Variants in CEP41 observed in about 807,000 individuals in gnomAD.
CEP41 encodes centrosomal protein of 41 kDa.
Under a neutral mutation model 44.3 loss-of-function variants are expected in CEP41, and 32 were observed. That is an observed-to-expected ratio of 0.72 (90% confidence interval 0.54 to 0.97). The LOEUF is 0.97. Ranked by LOEUF, CEP41 falls within the 50% of genes least tolerant of loss-of-function variation. The probability of loss-of-function intolerance (pLI) is 0.00; values close to 1 mark genes in which losing one functional copy is unlikely to be tolerated. For synonymous variants in CEP41, 151 were observed against 168.5 expected, an observed-to-expected ratio of 0.90 and a Z score of 0.80; for missense variants, 432 against 455.2, an observed-to-expected ratio of 0.95 and a Z score of 0.46.
chr7:130,397,206 T>C lies in CEP41; in HGVS notation c.*1685A>G. 2 of 454,484 alleles carry C rather than the reference T, an allele frequency of 4.4e-6. No homozygotes were observed. Among genetic ancestry groups the C allele is most frequent in the Non-Finnish European group, 8.8e-6 (2 of 226,780 alleles). The allele number at this position is 454,484 out of a possible 1,614,324, so 28.2% of individuals were successfully genotyped here. On this transcript the variant is annotated 3_prime_UTR_variant, in exon 11 of 11. Coordinates refer to ENST00000223208, the MANE Select transcript of CEP41 (RefSeq NM_018718.3). ...ACTAAGTTCTCAGGCAATAAATTTA[T>C]GGGGAAACATGACAGGCTCCTCATT...
rs1216307273 is a variant in CEP41, at chr7:130,396,886, T to TCCA, written c.*2002_*2004dup. ...ACATATATACAGTGGTTTCTAATAC[T>TCCA]CCAAAGTTGTCTGACGATGGGAACG... On this transcript the variant is annotated 3_prime_UTR_variant, in exon 11 of 11. Coordinates refer to ENST00000223208, the MANE Select transcript of CEP41 (RefSeq NM_018718.3). 9 of 447,064 alleles carry TCCA rather than the reference T, an allele frequency of 2.0e-5. No homozygotes were observed. Among genetic ancestry groups the TCCA allele is most frequent in the Non-Finnish European group, 3.6e-5 (8 of 223,532 alleles). 27.7% of individuals were successfully genotyped at this position (447,064 alleles called of 1,614,324 possible). A position where few individuals can be genotyped will look rare whatever the true frequency, so the allele number is the denominator to read the frequency against.
Position 130,400,234 on chromosome 7 carries a change from T to G in CEP41, c.778A>C (p.Lys260Gln). 1 of 1,613,780 alleles carries G rather than the reference T, an allele frequency of 6.2e-7. No individual in the cohort carries two copies. The highest frequency in any genetic ancestry group is 8.5e-7 in the Non-Finnish European group (1 of 1,179,742). Residue 260 changes from lysine to glutamine, a missense_variant, in exon 10 of 11, where the codon AAA (lysine) becomes CAA (glutamine). Physicochemically the swap from Lys to Gln is moderately conservative, Grantham distance 53 (BLOSUM62 1). Transcript: ENST00000223208. ...CCAGTAATCAGTCCTTCCGGGAATT[T>G]CTGAGCTAAGACTTTTAGACCTAGG... ...LSGGLKVLAQ[K>Q]FPEGLITGSL...
intron 1 of CEP41, 173 bp downstream of exon 1, chr7:130,440,761 G>A: frequency 2.8e-6 from 2 of 722,126 alleles, no homozygotes; most frequent in South Asian, 3.2e-5. Flanking sequence ...CCTGAACGCT[G>A]CCCCGCGGCC....
rs1796822047 is a variant in CEP41, at chr7:130,400,824, A to AAGAGTC, written c.643-9_643-4dup. 1 of 1,596,428 alleles carries AAGAGTC rather than the reference A, an allele frequency of 6.3e-7. No individual in the cohort carries two copies. The highest frequency in any genetic ancestry group is 1.1e-5 in the South Asian group (1 of 89,254). On this transcript the variant is annotated splice_polypyrimidine_tract_variant and splice_region_variant and intron_variant, in intron 8 of 10. Transcript: ENST00000223208. ...ATGATCTTGCCATGGGCATTTTTCT[A>AAGAGTC]AGAGTCAGATGAGTTAAGGTTCCAA...
In CEP41 at chr7:130,397,506, A is replaced by C. The variant is rs781845516; in HGVS notation, c.*1385T>G. The stretch of plus-strand genomic sequence containing the variant: ...CCCCATGCTAGAAATACTGTGGTGC[A>C]TTTTTTTTTTTTTTTTTTTTTTTTT... On this transcript the variant is annotated 3_prime_UTR_variant, in exon 11 of 11. Transcript: ENST00000223208. 2.6e-4 allele frequency: 80 copies of C among 303,732 alleles called. 1 individual carries two copies. Among genetic ancestry groups the C allele is most frequent in the South Asian group, 5.1e-4 (25 of 48,780 alleles). 18.8% of individuals were successfully genotyped at this position (303,732 alleles called of 1,614,324 possible).
chr7:130,426,587 A>T (rs966356899), intron 2 of CEP41: 7 of 453,000 alleles, frequency 1.5e-5, no homozygotes, highest in African/African-American at 1.4e-4. Context: ...TAATATCTAG[A>T]CTCCTCAGAA....
At chr7:130,440,757 C>T in intron 1 of CEP41, 177 bp downstream of exon 1, 1 of 713,374 alleles carries the variant, frequency 1.4e-6, no homozygotes, top group Admixed American at 2.2e-5. Context: ...GGGTCCTGAA[C>T]GCTGCCCCGC....
chr7:130,412,001 C>A, intron 4 of CEP41, 178 bp downstream of exon 4: 1 of 609,074 alleles, frequency 1.6e-6, no homozygotes, highest in Non-Finnish European at 3.0e-6. Flanking sequence ...AGAAACATTT[C>A]TCACCATCTT....
In CEP41 at chr7:130,397,066, G is replaced by C. The variant is rs1435135122; in HGVS notation, c.*1825C>G. 3 of 454,436 alleles carry C rather than the reference G, an allele frequency of 6.6e-6. No homozygotes were observed. The highest frequency in any genetic ancestry group is 6.9e-4 in the Middle Eastern group (1 of 1,442). The allele number at this position is 454,436 out of a possible 1,614,324, so 28.2% of individuals were successfully genotyped here. Reference sequence around the variant, plus strand: ...TTAAAAATGTATATGTGGCAAAAATGGCTGAAAATCTTGTCCATGCTAGGG... The same window carrying C: ...TTAAAAATGTATATGTGGCAAAAATCGCTGAAAATCTTGTCCATGCTAGGG... On this transcript the variant is annotated 3_prime_UTR_variant, in exon 11 of 11. Coordinates refer to ENST00000223208, the MANE Select transcript of CEP41 (RefSeq NM_018718.3).
intron 1 of CEP41, among the ~76,000 whole-genome samples, chr7:130,434,887 C>T (rs2117705861): frequency 6.6e-6 from 1 of 152,112 alleles, no homozygotes; most frequent in Middle Eastern, 3.4e-3. Flanking sequence ...TACAGATAAT[C>T]AAATCATATC....
Position 130,396,673 on chromosome 7 carries a change from A to G in CEP41, c.*2218T>C. ...AAGCAATACCTCGAGCACGTAAAGA[A>G]TGTTTGATATTAACACTTAACATGC... is the stretch of plus-strand genomic sequence containing the variant. On this transcript the variant is annotated 3_prime_UTR_variant, in exon 11 of 11. Transcript: ENST00000223208. 1 of 454,602 alleles carries G rather than the reference A, an allele frequency of 2.2e-6. No individual in the cohort carries two copies. The highest frequency in any genetic ancestry group is 4.4e-6 in the Non-Finnish European group (1 of 226,802). 28.2% of individuals were successfully genotyped at this position (454,602 alleles called of 1,614,324 possible).
rs1796888916 is a variant in CEP41, at chr7:130,402,692, T to A, written c.530A>T (p.Asp177Val). The change falls in exon 7 of 11, where the codon GAT becomes GTT. Residue 177 changes from aspartate (D) to valine (V), a missense_variant. Transcript: ENST00000223208. ...PYPDCPFLLLDVRDRDSYQQC... is the reference protein window; with the variant it reads ...PYPDCPFLLLVVRDRDSYQQC... Reference sequence around the variant, plus strand: ...CTGGTAAGAATCTCTATCACGCACATCTAGCAGCAGGAAGGGGCAGTCAGG... The same window carrying A: ...CTGGTAAGAATCTCTATCACGCACAACTAGCAGCAGGAAGGGGCAGTCAGG... The A allele has an allele frequency of 6.2e-7, 1 of 1,614,108 alleles. No homozygotes were observed. Among genetic ancestry groups the A allele is most frequent in the Non-Finnish European group, 8.5e-7 (1 of 1,180,008 alleles).
intron 9 of CEP41, 47 bp from the exon 10 acceptor site, chr7:130,400,301 C>T: frequency 7.2e-7 from 1 of 1,380,674 alleles, no homozygotes; most frequent in Non-Finnish European, 1.0e-6. Context: ...TATGGCAAGG[C>T]CAGGCCAAAA....
rs1554414104 is a variant in CEP41, at chr7:130,395,450, C to T, written c.*3441G>A. 1 of 453,964 alleles carries T rather than the reference C, an allele frequency of 2.2e-6. No homozygotes were observed. The allele number at this position is 453,964 out of a possible 1,614,324, so 28.1% of individuals were successfully genotyped here. On this transcript the variant is annotated 3_prime_UTR_variant, in exon 11 of 11. Coordinates refer to ENST00000223208, the MANE Select transcript of CEP41 (RefSeq NM_018718.3). ...TAAAGACACTGAGAACGTTTTAGAA[C>T]TGGAGAAAGAAAGGTTCTTACTGAT...
At chr7:130,402,917 A>G in intron 6 of CEP41, 118 bp from the exon 7 acceptor site, 2 of 1,067,790 alleles carry the variant, frequency 1.9e-6, no homozygotes, top group Non-Finnish European at 2.9e-6. Context: ...GACGCTTCAA[A>G]GGCAAAGGAA....
rs781846728 is a variant in CEP41, at chr7:130,404,585, G to A, written c.401C>T (p.Ser134Phe). ...QFINNAGAGD[S>F]SRSTLQSVIS... ...GTACCTCTGAAGAGTTGAGCGGCTG[G>A]AGTCCCCTGCTCCTGCGTTGTTTAT... Residue 134 changes from serine to phenylalanine, a missense_variant, in exon 6 of 11, where the codon TCC (serine) becomes TTC (phenylalanine). By Grantham distance (155) the Ser-to-Phe change is radical. Transcript: ENST00000223208. 2 of 1,613,838 alleles carry A rather than the reference G, an allele frequency of 1.2e-6. No homozygotes were observed. The highest frequency in any genetic ancestry group is 4.5e-5 in the East Asian group (2 of 44,886).
At position 130,397,021 on chromosome 7, in the gene CEP41, C is replaced by T. The variant is rs1278324385; in HGVS notation, c.*1870G>A. 4 of 454,380 alleles carry T rather than the reference C, an allele frequency of 8.8e-6. No individual in the cohort carries two copies. The highest frequency in any genetic ancestry group is 1.8e-5 in the Non-Finnish European group (4 of 226,792). The allele number at this position is 454,380 out of a possible 1,614,324, so 28.1% of individuals were successfully genotyped here. The stretch of plus-strand genomic sequence containing the variant: ...AAACAGCATAACCAGAACTTTCTTA[C>T]AGAGAAAAATCTTTTTTCCTTAAAA... On this transcript the variant is annotated 3_prime_UTR_variant, in exon 11 of 11. Transcript: ENST00000223208.
chr7:130,407,173 C>T (rs1209725024), intron 5 of CEP41, among the ~76,000 whole-genome samples: 3 of 151,586 alleles, frequency 2.0e-5, no homozygotes, highest in African/African-American at 7.3e-5. Flanking sequence ...TAATCCCTCC[C>T]AAATTTAACT....
chr7:130,417,126 G>C, intron 2 of CEP41, 160 bp from the exon 3 acceptor site: 1 of 1,428,956 alleles, frequency 7.0e-7, no homozygotes, highest in Non-Finnish European at 9.2e-7. Flanking sequence ...AAATCTTTTG[G>C]ATAATACAGC....
Sources: allele counts gnomAD v4.1 joint callset (sites outside exome capture counted in the v4.1 genomes callset), GRCh38; gene constraint gnomAD v4.1.1; transcripts MANE v1.5; gene names NCBI Gene and HGNC (gene_info 2026-07-23, HGNC 2026-07-21).